GPR158: variants seen among roughly 807,000 people sequenced by gnomAD.
The protein encoded by GPR158 is G protein-coupled receptor 158.
In GPR158, 30 loss-of-function variants were observed where a neutral mutation model predicts 78.2. That is an observed-to-expected ratio of 0.38 (90% CI 0.29 to 0.52). The LOEUF (loss-of-function observed/expected upper bound fraction) is 0.52, where lower values mean the gene tolerates loss of function less well. Among genes scored for constraint, GPR158 ranks in the 20% least tolerant of loss-of-function variants. GPR158 has a pLI of 0.83. For synonymous variants in GPR158, 581 were observed against 591.1 expected, an observed-to-expected ratio of 0.98 and a Z score of 0.25; for missense variants, 1,463 against 1,523.5, an observed-to-expected ratio of 0.96 and a Z score of 0.66.
chr10:25,269,027 G>T (rs1031058048), intron 2 of GPR158, among the ~76,000 whole-genome samples: 118 of 152,008 alleles, frequency 7.8e-4, no homozygotes, highest in African/African-American at 2.6e-3. Flanking sequence ...GTCTCATTTT[G>T]TTTTCACCTA....
chr10:25,538,883 T>C (rs1836537136), intron 5 of GPR158, among the ~76,000 whole-genome samples: 1 of 152,202 alleles, frequency 6.6e-6, no homozygotes, highest in Non-Finnish European at 1.5e-5. Context: ...TTTGAACACA[T>C]ACACGGAGAA....
chr10:25,581,705 C>A (rs1034768216), intron 7 of GPR158, among the ~76,000 whole-genome samples: 3 of 152,008 alleles, frequency 2.0e-5, no homozygotes, highest in African/African-American at 7.2e-5. Flanking sequence ...TGATGCAGCC[C>A]GAGGGAAGGC....
intron 2 of GPR158, among the ~76,000 whole-genome samples, chr10:25,284,506 A>C (rs1312404403): frequency 1.3e-5 from 2 of 151,348 alleles, no homozygotes; most frequent in Non-Finnish European, 2.9e-5. Flanking sequence ...TAACATATCT[A>C]TGTTTTTATG....
chr10:25,196,999 TG>T (rs1485639047), intron 1 of GPR158, among the ~76,000 whole-genome samples: 3 of 152,200 alleles, frequency 2.0e-5, no homozygotes, highest in Non-Finnish European at 2.9e-5. Flanking sequence ...CACCCCTCCC[TG>T]GCTTATCATC....
intron 5 of GPR158, among the ~76,000 whole-genome samples, chr10:25,517,774 CA>C (rs1328628469): frequency 1.3e-5 from 2 of 151,162 alleles, no homozygotes; most frequent in African/African-American, 4.9e-5. Context: ...TTCAGTTTGC[CA>C]GTATTTTGTT....
intron 4 of GPR158, among the ~76,000 whole-genome samples, chr10:25,429,947 GCACAAGA>G (rs1834877476): frequency 7.3e-6 from 1 of 137,146 alleles, no homozygotes; most frequent in Non-Finnish European, 1.6e-5. Flanking sequence ...TTGAAAACTG[GCACAAGA>G]CAGGGATGCC....
chr10:25,460,782 C>G (rs922649280), intron 4 of GPR158, among the ~76,000 whole-genome samples: 6 of 152,170 alleles, frequency 3.9e-5, no homozygotes, highest in Non-Finnish European at 8.8e-5. Flanking sequence ...TACCATGTGT[C>G]TTACAAATTA....
At chr10:25,360,373 T>TTTC (rs1334400449) in intron 2 of GPR158, among the ~76,000 whole-genome samples, 1 of 152,204 alleles carries the variant, frequency 6.6e-6, no homozygotes, top group Non-Finnish European at 1.5e-5. Flanking sequence ...CTAGGGTTTT[T>TTTC]ATGGCTTTAG....
At chr10:25,432,105 T>G (rs1032827988) in intron 4 of GPR158, among the ~76,000 whole-genome samples, 4 of 152,264 alleles carry the variant, frequency 2.6e-5, no homozygotes, top group African/African-American at 9.6e-5. Context: ...CTTTATATAG[T>G]AGCAAGGAAT....
At chr10:25,490,399 G>A (rs1006071488) in intron 5 of GPR158, among the ~76,000 whole-genome samples, 1 of 140,186 alleles carries the variant, frequency 7.1e-6, no homozygotes. Context: ...CCACTAACTC[G>A]TCATCTAGTA....
At chr10:25,528,024 A>T (rs1836373183) in intron 5 of GPR158, among the ~76,000 whole-genome samples, 1 of 152,068 alleles carries the variant, frequency 6.6e-6, no homozygotes, top group Admixed American at 6.5e-5. Flanking sequence ...TTTTCATATA[A>T]ATAAATTTAT....
chr10:25,569,697 A>C (rs1480775063), intron 6 of GPR158, among the ~76,000 whole-genome samples: 1 of 151,886 alleles, frequency 6.6e-6, no homozygotes, highest in Admixed American at 6.6e-5. Flanking sequence ...TATCTTTTCC[A>C]CTTTCCTTCA....
rs1208230085 is a variant in GPR158 at position 25,276,968 on chromosome 10, TAGAC to T, written c.1008+55814_1008+55817del. On this transcript the variant is annotated intron_variant, in intron 2 of 10. Transcript: ENST00000376351. ...AACTATTTTTTTTTTTTTTTTATAATAGACAGGGTCTCACTCTGTCGCCCAGGCT... is the reference window on the plus strand; with the variant it reads ...AACTATTTTTTTTTTTTTTTTATAATAGGGTCTCACTCTGTCGCCCAGGCT... 1.2e-4 allele frequency among the ~76,000 whole-genome samples: 18 copies of T among 151,048 alleles called. No homozygotes were observed. The East Asian group carries it at 1.8e-3, about 15-fold the overall frequency.
chr10:25,372,080 T>A (rs1834002362), intron 2 of GPR158, among the ~76,000 whole-genome samples: 1 of 110,800 alleles, frequency 9.0e-6, no homozygotes, highest in African/African-American at 3.7e-5. Flanking sequence ...AGAAGACATT[T>A]ATGCAGCCAA....
rs140275752 is a variant in GPR158, at chr10:25,551,010, G to A, written c.1439G>A (p.Arg480His). ...TTGTACTTTGAGCCAAGCACATTTC[G>A]CTGTATTCTCCTAAGATGGGCTCGT... ...VILYFEPSTF[R>H]CILLRWARLL... The change falls in exon 6 of 11, where the codon CGC (arginine) becomes CAC (histidine). Residue 480 changes from arginine to histidine, a missense_variant. Arg to His is a conservative substitution (Grantham distance 29). Coordinates refer to ENST00000376351, the MANE Select transcript of GPR158 (RefSeq NM_020752.3). 6.1e-5 allele frequency: 98 copies of A among 1,609,650 alleles called. No individual in the cohort carries two copies. The highest frequency in any genetic ancestry group is 5.3e-4 in the African/African-American group (40 of 74,834).
chr10:25,336,483 C>T (rs1263360556), intron 2 of GPR158, among the ~76,000 whole-genome samples: 5 of 151,960 alleles, frequency 3.3e-5, no homozygotes, highest in African/African-American at 1.2e-4. Flanking sequence ...ACTTTCCCCC[C>T]AGTGCCTCAG....
intron 4 of GPR158, among the ~76,000 whole-genome samples, chr10:25,413,270 A>G (rs528239604): frequency 6.6e-6 from 1 of 152,344 alleles, no homozygotes; most frequent in South Asian, 2.1e-4. Context: ...GTTCAAGACT[A>G]CAGTGAGCTA....
At chr10:25,182,880 A>G (rs894665681) in intron 1 of GPR158, among the ~76,000 whole-genome samples, 1 of 152,202 alleles carries the variant, frequency 6.6e-6, no homozygotes, top group African/African-American at 2.4e-5. Context: ...TTATTTATGC[A>G]GAATTACTAA....
chr10:25,347,124 A>G (rs890622143), intron 2 of GPR158, among the ~76,000 whole-genome samples: 3 of 151,964 alleles, frequency 2.0e-5, no homozygotes, highest in Non-Finnish European at 2.9e-5. Flanking sequence ...TAGAAGTTGG[A>G]TACAGGTCTC....
Sources: gnomAD v4.1 joint callset for allele counts (sites outside exome capture counted in the v4.1 genomes callset) on GRCh38, gnomAD v4.1.1 for gene constraint, MANE v1.5 for transcripts, NCBI Gene and HGNC (gene_info 2026-07-23, HGNC 2026-07-21) for gene names.